RGL1: variants seen among roughly 807,000 people sequenced by gnomAD.
RGL1 encodes the protein ral guanine nucleotide dissociation stimulator like 1.
In RGL1, 24 loss-of-function variants were observed where a neutral mutation model predicts 95.2. That is an observed-to-expected ratio of 0.25 (90% CI 0.18 to 0.35). RGL1 has a LOEUF of 0.35. Among genes scored for constraint, RGL1 ranks in the 10% least tolerant of loss-of-function variants. The probability of loss-of-function intolerance (pLI) is 1.00; values close to 1 mark genes in which losing one functional copy is unlikely to be tolerated. For missense variants in RGL1, 715 were observed against 936.3 expected (o/e 0.76, Z 3.08); for synonymous variants, 329 against 344.9 (o/e 0.95, Z 0.51).
rs73049207 is a variant in RGL1, at chr1:183,912,275, A to T, written c.1749+7A>T. On this transcript the variant is annotated splice_region_variant and intron_variant, in intron 15 of 17. Coordinates refer to ENST00000360851, the MANE Select transcript of RGL1 (RefSeq NM_001297671.3). ...TGATGAGCCTCAAAAAAAGGTATAT[A>T]CTCAACCCTTCTCATAATTCCTAAT... The T allele has an allele frequency of 1.1e-5, 18 of 1,609,132 alleles. No homozygotes were observed. In the South Asian group the frequency reaches 1.9e-4, roughly 17 times the overall value.
At chr1:183,779,185 TTCCTTCCTTCCTTCCTTCCTTCC>T (rs1659759832) in intron 2 of RGL1, among the ~76,000 whole-genome samples, 1 of 143,748 alleles carries the variant, frequency 7.0e-6, no homozygotes, top group African/African-American at 2.6e-5. Flanking sequence ...CCTTCCTTCC[TTCCTTCCTTCCTTCCTTCCTTCC>T]TTCCTTCCTT....
At chr1:183,737,778 A>G (rs1399095221) in intron 1 of RGL1, among the ~76,000 whole-genome samples, 4 of 152,082 alleles carry the variant, frequency 2.6e-5, no homozygotes, top group African/African-American at 9.7e-5. Flanking sequence ...TTCTTTTTTA[A>G]TTTTTGAGAA....
intron 5 of RGL1, among the ~76,000 whole-genome samples, chr1:183,881,401 T>A (rs1246845200): frequency 6.6e-6 from 1 of 152,224 alleles, no homozygotes; most frequent in Non-Finnish European, 1.5e-5. Flanking sequence ...TCTGCAGCTG[T>A]TTTTCCCTAT....
chr1:183,849,111 A>G (rs982923927), intron 3 of RGL1, among the ~76,000 whole-genome samples: 1 of 151,954 alleles, frequency 6.6e-6, no homozygotes, highest in African/African-American at 2.4e-5. Context: ...TAGAGATAGG[A>G]TCTTGTCCTG....
At chr1:183,883,754 C>G in intron 5 of RGL1, 32 bp from the exon 6 acceptor site, 1 of 1,612,648 alleles carries the variant, frequency 6.2e-7, no homozygotes, top group Non-Finnish European at 8.5e-7. Flanking sequence ...TACACTGGCG[C>G]CAAATTACTA....
chr1:183,757,849 T>C (rs1658438950), intron 2 of RGL1, among the ~76,000 whole-genome samples: 1 of 152,254 alleles, frequency 6.6e-6, no homozygotes, highest in Non-Finnish European at 1.5e-5. Context: ...CATTTGTCTC[T>C]CATTTGTCTT....
At position 183,848,134 on chromosome 1, in the gene RGL1, G is replaced by A. The variant is rs191421825; in HGVS notation, c.347+360G>A. Among the ~76,000 whole-genome samples, 46 of 152,220 alleles carry A rather than the reference G, an allele frequency of 3.0e-4. No homozygotes were observed. In the East Asian group the frequency reaches 7.1e-3, roughly 24 times the overall value. On this transcript the variant is annotated intron_variant, in intron 3 of 17. Coordinates refer to ENST00000360851, the MANE Select transcript of RGL1 (RefSeq NM_001297671.3). ...CAAGAATTTTACTGGGATGTTGTGG[G>A]GATGAAATGTGCTAATATGTGTGAA...
chr1:183,825,962 A>C (rs951847003), intron 2 of RGL1, among the ~76,000 whole-genome samples: 1 of 152,108 alleles, frequency 6.6e-6, no homozygotes, highest in Non-Finnish European at 1.5e-5. Context: ...CAGGAGTATG[A>C]GACCAGCCTG....
upstream of RGL1, among the ~76,000 whole-genome samples, chr1:183,801,173 GTGTGTT>G (rs936869046): frequency 1.6e-4 from 24 of 151,856 alleles, no homozygotes; most frequent in African/African-American, 4.6e-4. Context: ...GTGTGTGTGT[GTGTGTT>G]TAATAATGGC....
chr1:183,889,739 G>A (rs1027304440), intron 8 of RGL1, among the ~76,000 whole-genome samples: 4 of 152,110 alleles, frequency 2.6e-5, no homozygotes, highest in Admixed American at 2.6e-4. Context: ...AAAAAATAAA[G>A]TGGATGTTTA....
At chr1:183,661,670 T>G (rs1452552983) in intron 1 of RGL1, among the ~76,000 whole-genome samples, 5 of 148,582 alleles carry the variant, frequency 3.4e-5, no homozygotes, top group African/African-American at 1.3e-4. Flanking sequence ...AGTATTCCAA[T>G]CAATAGAAAA....
intron 1 of RGL1, among the ~76,000 whole-genome samples, chr1:183,725,144 A>G (rs1049577291): frequency 1.3e-5 from 2 of 152,204 alleles, no homozygotes; most frequent in Admixed American, 6.5e-5. Flanking sequence ...CAAGAGCCAC[A>G]GCGTTACTGA....
chr1:183,650,200 C>G (rs576352872), intron 1 of RGL1, among the ~76,000 whole-genome samples: 2 of 152,136 alleles, frequency 1.3e-5, no homozygotes, highest in Admixed American at 6.5e-5. Context: ...ATGTTTTATA[C>G]CCTGCTTTTT....
At chr1:183,696,124 C>T (rs188486738) in intron 1 of RGL1, among the ~76,000 whole-genome samples, 17 of 152,302 alleles carry the variant, frequency 1.1e-4, no homozygotes, top group Admixed American at 1.0e-3. Context: ...GGTCCCTAGA[C>T]CTCTGTGTAG....
At chr1:183,756,697 T>C (rs899657021) in intron 2 of RGL1, among the ~76,000 whole-genome samples, 1 of 152,208 alleles carries the variant, frequency 6.6e-6, no homozygotes, top group Non-Finnish European at 1.5e-5. Flanking sequence ...TTTTTCATGA[T>C]AGTAATTCTT....
intron 2 of RGL1, among the ~76,000 whole-genome samples, chr1:183,772,579 C>G (rs545159719): frequency 1.3e-5 from 2 of 152,314 alleles, no homozygotes; most frequent in South Asian, 4.1e-4. Flanking sequence ...GTCCTGGCAT[C>G]TGAGAAAGTT....
chr1:183,833,963 TG>T (rs1224055941), intron 2 of RGL1, among the ~76,000 whole-genome samples: 2 of 82,482 alleles, frequency 2.4e-5, no homozygotes, highest in African/African-American at 4.2e-5. Flanking sequence ...TATCTCTCTC[TG>T]TTTTTTTTTT....
chr1:183,801,311 T>C (rs1660979714), upstream of RGL1, among the ~76,000 whole-genome samples: 1 of 152,146 alleles, frequency 6.6e-6, no homozygotes, highest in African/African-American at 2.4e-5. Context: ...TTAGGAAAAA[T>C]ATCTATTCGG....
chr1:183,805,997 T>TTTTTTTTTTTTC (rs1661303013), intron 1 of RGL1, among the ~76,000 whole-genome samples: 1 of 80,560 alleles, frequency 1.2e-5, no homozygotes, highest in Non-Finnish European at 2.4e-5. Context: ...TTTTTTTTTT[T>TTTTTTTTTTTTC]TTTTTTTTTT....
Sources: allele counts gnomAD v4.1 joint callset (sites outside exome capture counted in the v4.1 genomes callset), GRCh38; gene constraint gnomAD v4.1.1; transcripts MANE v1.5; gene names NCBI Gene and HGNC (gene_info 2026-07-23, HGNC 2026-07-21).